SLC66A2: variants seen among roughly 807,000 people sequenced by gnomAD.
The protein encoded by SLC66A2 is PQ loop repeat containing 1.
SLC66A2 carries 23 observed loss-of-function variants against 25.5 expected under a neutral mutation model. That is an observed-to-expected ratio of 0.90 (90% CI 0.65 to 1.28). The LOEUF is 1.28. SLC66A2 is among the 50% of genes most tolerant of loss of function. The probability of loss-of-function intolerance (pLI) is 0.00; values close to 1 mark genes in which losing one functional copy is unlikely to be tolerated. For missense variants in SLC66A2, 396 were observed against 373.1 expected (o/e 1.06, Z -0.51); for synonymous variants, 193 against 166.5 (o/e 1.16, Z -1.23).
At chr18:79,906,900 C>T (rs1982203067) in intron 5 of SLC66A2, among the ~76,000 whole-genome samples, 1 of 152,234 alleles carries the variant, frequency 6.6e-6, no homozygotes, top group African/African-American at 2.4e-5. Flanking sequence ...ACCAGTTTAT[C>T]ATGATGCAAT....
intron 2 of SLC66A2, among the ~76,000 whole-genome samples, chr18:79,946,783 T>C (rs989682037): frequency 8.5e-5 from 13 of 152,276 alleles, no homozygotes; most frequent in African/African-American, 3.1e-4. Flanking sequence ...CTGGCCAATA[T>C]GGTGAAACCC....
At chr18:79,926,542 G>A (rs1172582165) in intron 4 of SLC66A2, among the ~76,000 whole-genome samples, 4 of 152,130 alleles carry the variant, frequency 2.6e-5, no homozygotes, top group African/African-American at 4.8e-5. Context: ...CTCGCAGGAC[G>A]TGAATGGCAT....
Position 79,919,326 on chromosome 18 carries a change from C to A in SLC66A2, c.466G>T (p.Val156Leu). 1 of 1,613,316 alleles carries A rather than the reference C, an allele frequency of 6.2e-7. No individual in the cohort carries two copies. The highest frequency in any genetic ancestry group is 8.5e-7 in the Non-Finnish European group (1 of 1,180,024). Residue 156 changes from valine to leucine, a missense_variant, in exon 5 of 6, where the codon GTG (valine) becomes TTG (leucine). Val to Leu is a conservative substitution (Grantham distance 32, BLOSUM62 1). Transcript: ENST00000397778. ...YVQCVLAFTG[V>L]AGYITYLSID... Reference sequence around the variant, plus strand: ...GACAGGTAGGTGATGTAGCCCGCCACGCCCGTGAAGGCCAGGACGCACTGC... The same window carrying A: ...GACAGGTAGGTGATGTAGCCCGCCAAGCCCGTGAAGGCCAGGACGCACTGC...
chr18:79,916,153 G>A (rs1984058990), intron 5 of SLC66A2, among the ~76,000 whole-genome samples: 1 of 62,838 alleles, frequency 1.6e-5, no homozygotes, highest in African/African-American at 4.5e-5. Context: ...TACCCGCGGC[G>A]CTCTCGTACC....
chr18:79,945,405 C>A (rs1429368198), intron 2 of SLC66A2, among the ~76,000 whole-genome samples: 15 of 152,084 alleles, frequency 9.9e-5, no homozygotes, highest in Admixed American at 9.8e-4. Context: ...GCATCTCACC[C>A]AGGTCAGCAG....
intron 5 of SLC66A2, among the ~76,000 whole-genome samples, chr18:79,907,553 G>A (rs59755056): frequency 0.062 from 9,380 of 151,970 alleles, 338 homozygotes; most frequent in African/African-American, 0.071. Context: ...GTTTCACCAC[G>A]TGGCCCAGGC....
At chr18:79,936,305 T>C (rs1045447071) in intron 3 of SLC66A2, among the ~76,000 whole-genome samples, 3 of 152,228 alleles carry the variant, frequency 2.0e-5, no homozygotes, top group African/African-American at 7.2e-5. Flanking sequence ...ATTCCTAATG[T>C]GACGTCCAAG....
At position 79,904,295 on chromosome 18, in the gene SLC66A2, A is replaced by G. The variant is rs966839922; in HGVS notation, c.609-112T>C. The G allele has an allele frequency of 1.1e-6, 1 of 919,854 alleles. No individual in the cohort carries two copies. Among genetic ancestry groups the G allele is most frequent in the Non-Finnish European group, 1.7e-6 (1 of 586,462 alleles). 57.0% of individuals were successfully genotyped at this position (919,854 alleles called of 1,614,324 possible). On this transcript the variant is annotated intron_variant, in intron 5 of 5. Coordinates refer to ENST00000397778, the MANE Select transcript of SLC66A2 (RefSeq NM_025078.5). The surrounding 1 kb of genome is among the most constrained non-coding windows in gnomAD (Gnocchi z 6.3). Reference sequence around the variant, plus strand: ...GGAGACCTGGGGCTCAGGGGCACCCAGGGGGCTAAGGGGACCCCCAGGCAG... The same window carrying G: ...GGAGACCTGGGGCTCAGGGGCACCCGGGGGGCTAAGGGGACCCCCAGGCAG...
chr18:79,938,936 A>G (rs1379112434), intron 3 of SLC66A2, among the ~76,000 whole-genome samples: 1 of 152,230 alleles, frequency 6.6e-6, no homozygotes, highest in African/African-American at 2.4e-5. Flanking sequence ...TCGGCCTCCC[A>G]AAGTGCTGGG....
chr18:79,934,124 T>A, intron 3 of SLC66A2, 102 bp from the exon 4 acceptor site: 1 of 852,668 alleles, frequency 1.2e-6, no homozygotes, highest in Non-Finnish European at 1.7e-6. Context: ...TTTTTGCATT[T>A]CTTTAAAAAA....
In SLC66A2 at chr18:79,919,134, TGTG is replaced by T. The variant is rs751045128; in HGVS notation, c.608+47_608+49del. The T allele has an allele frequency of 1.1e-5, 16 of 1,495,342 alleles. No homozygotes were observed. The African/African-American group carries it at 2.2e-4, about 21-fold the overall frequency. The allele number at this position is 1,495,342 out of a possible 1,614,324, so 92.6% of individuals were successfully genotyped here. ...TTGATTTTTACCAAATCTGCAGCCA[TGTG>T]GTGCCTCTGGAGCAGTGGTGCTTCC... is the stretch of plus-strand genomic sequence containing the variant. On this transcript the variant is annotated intron_variant, in intron 5 of 5. Transcript: ENST00000397778.
chr18:79,917,540 G>A lies in SLC66A2; in HGVS notation c.608+1644C>T, dbSNP rs1289222207. 1.3e-5 allele frequency among the ~76,000 whole-genome samples: 2 copies of A among 152,096 alleles called. No homozygotes were observed. Among genetic ancestry groups the A allele is most frequent in the Non-Finnish European group, 2.9e-5 (2 of 67,986 alleles). ...CACTGCCCACAGGATCTCCAGCTGT[G>A]GGGTGGCTGGGGACGCCACACTCCG... On this transcript the variant is annotated intron_variant, in intron 5 of 5. Transcript: ENST00000397778. The surrounding 1 kb of genome is among the most constrained non-coding windows in gnomAD (Gnocchi z 6.0).
At chr18:79,912,909 G>A (rs1187078228) in intron 5 of SLC66A2, among the ~76,000 whole-genome samples, 2 of 152,180 alleles carry the variant, frequency 1.3e-5, no homozygotes, top group East Asian at 3.9e-4. Flanking sequence ...TGCATCAAAG[G>A]CATAAGGAAA....
chr18:79,916,135 T>C (rs1360883332), intron 5 of SLC66A2, among the ~76,000 whole-genome samples: 28 of 95,022 alleles, frequency 2.9e-4, no homozygotes, highest in South Asian at 1.5e-3. Flanking sequence ...ATACCCACGG[T>C]GCTCCCGTAC....
intron 4 of SLC66A2, among the ~76,000 whole-genome samples, chr18:79,922,557 G>C (rs770178687): frequency 6.6e-6 from 1 of 152,064 alleles, no homozygotes; most frequent in Non-Finnish European, 1.5e-5. Flanking sequence ...CCTCCTGCAC[G>C]ATGTCATTTG....
chr18:79,937,063 A>G lies in SLC66A2; in HGVS notation c.338-3041T>C, dbSNP rs1436655222. ...GGAGGTTTGAAGTCAAATGGAAAGA[A>G]TTGGTGTCCACTCATGAAGTATTTC... On this transcript the variant is annotated intron_variant, in intron 3 of 5. Transcript: ENST00000397778. This position sits in a 1 kb window ranked among gnomAD's most constrained non-coding sequence, Gnocchi z 5.4. 1.3e-5 allele frequency among the ~76,000 whole-genome samples: 2 copies of G among 152,172 alleles called. No individual in the cohort carries two copies. The highest frequency in any genetic ancestry group is 2.4e-5 in the African/African-American group (1 of 41,432).
chr18:79,938,075 A>T (rs1056329088), intron 3 of SLC66A2, among the ~76,000 whole-genome samples: 14 of 151,796 alleles, frequency 9.2e-5, no homozygotes, highest in Non-Finnish European at 1.8e-4. Context: ...GAACCCAGGA[A>T]TTCAAGGTGA....
rs1479276781 is a variant in SLC66A2 at position 79,943,450 on chromosome 18, G to T, written c.216C>A (p.Arg72=). 1.2e-6 allele frequency: 2 copies of T among 1,614,038 alleles called. No homozygotes were observed. Among genetic ancestry groups the T allele is most frequent in the South Asian group, 2.2e-5 (2 of 91,076 alleles). ...TCTGCCACAGCAGCGGGGACTCAAA[G>T]CGCCTTCCAAACCTGCGGGAGAGAC... ...ILRILFWFGR[R]FESPLLWQSA... is the part of the protein sequence containing the mutation. Residue 72 remains arginine (R), a synonymous_variant, in exon 3 of 6, where the codon CGC becomes CGA. Coordinates refer to ENST00000397778, the MANE Select transcript of SLC66A2 (RefSeq NM_025078.5).
rs1027611378 is a variant in SLC66A2 at position 79,918,007 on chromosome 18, G to A, written c.608+1177C>T. On this transcript the variant is annotated intron_variant, in intron 5 of 5. Coordinates refer to ENST00000397778, the MANE Select transcript of SLC66A2 (RefSeq NM_025078.5). The surrounding 1 kb of genome is among the most constrained non-coding windows in gnomAD (Gnocchi z 4.0). ...ACACCCACACCTACGCCACACACCT[G>A]TAACTGCAACCCACACCTATAACCC... is the stretch of plus-strand genomic sequence containing the variant. Among the ~76,000 whole-genome samples, 2 of 151,604 alleles carry A rather than the reference G, an allele frequency of 1.3e-5. No homozygotes were observed. The highest frequency in any genetic ancestry group is 2.1e-4 in the South Asian group (1 of 4,802).
Sources: allele counts gnomAD v4.1 joint callset (sites outside exome capture counted in the v4.1 genomes callset), GRCh38; gene constraint gnomAD v4.1.1; non-coding constraint Gnocchi (gnomAD v3.1); transcripts MANE v1.5; gene names NCBI Gene and HGNC (gene_info 2026-07-23, HGNC 2026-07-21).